The following RNF128 variants were observed in gnomAD, a reference collection of about 807,000 sequenced individuals.
RNF128 encodes ring finger protein 128.
In RNF128, 13 loss-of-function variants were observed where a neutral mutation model predicts 26.2. The ratio of observed to expected loss-of-function variants is 0.50; its 90% CI spans 0.32 to 0.79. The LOEUF (loss-of-function observed/expected upper bound fraction) is 0.79. Among genes scored for constraint, RNF128 ranks in the 30% least tolerant of loss-of-function variants. The pLI is 0.03. For missense variants in RNF128, 315 were observed against 349.7 expected (o/e 0.90, Z 0.79); for synonymous variants, 149 against 142.5 (o/e 1.05, Z -0.32).
At chrX:106,770,258 A>T (rs1187855605) in intron 1 of RNF128, among the ~76,000 whole-genome samples, 1 of 110,954 alleles carries the variant, frequency 9.0e-6, no homozygotes, top group Non-Finnish European at 1.9e-5. Flanking sequence ...TCTTTGTGGC[A>T]TTCTCTGTAC....
chrX:106,750,270 C>A (rs1158416092), intron 1 of RNF128, among the ~76,000 whole-genome samples: 1 of 112,022 alleles, frequency 8.9e-6, no homozygotes, highest in African/African-American at 3.2e-5. Context: ...TACTACTGCA[C>A]CCATGAATGT....
At chrX:106,788,453 TATATA>T (rs1376034860) in intron 4 of RNF128, among the ~76,000 whole-genome samples, 1 of 48,870 alleles carries the variant, frequency 2.0e-5, no homozygotes, top group African/African-American at 8.4e-5. Flanking sequence ...ATAATTATAA[TATATA>T]TAATATTATT....
At chrX:106,710,447 G>T (rs1929105822) in intron 1 of RNF128, among the ~76,000 whole-genome samples, 1 of 111,924 alleles carries the variant, frequency 8.9e-6, no homozygotes, top group Non-Finnish European at 1.9e-5. Context: ...AAAACCTTTT[G>T]GAGTTTCAGG....
intron 1 of RNF128, among the ~76,000 whole-genome samples, chrX:106,763,764 C>G (rs1602383379): frequency 8.9e-6 from 1 of 112,071 alleles, no homozygotes; most frequent in Non-Finnish European, 1.9e-5. Flanking sequence ...CCTCCTCGGC[C>G]TCCCAAAGTG....
intron 1 of RNF128, among the ~76,000 whole-genome samples, chrX:106,770,626 G>A (rs775473190): frequency 9.0e-6 from 1 of 111,170 alleles, no homozygotes; most frequent in Non-Finnish European, 1.9e-5. Context: ...TCTCTACACT[G>A]TTTATTCTAG....
chrX:106,741,978 G>A (rs1268157865), intron 1 of RNF128, among the ~76,000 whole-genome samples: 2 of 111,680 alleles, frequency 1.8e-5, no homozygotes, highest in Non-Finnish European at 3.8e-5. Context: ...GTGAAATGGA[G>A]CTCTTTAAGG....
chrX:106,776,584 A>G (rs953694499), intron 2 of RNF128, among the ~76,000 whole-genome samples: 9 of 112,077 alleles, frequency 8.0e-5, no homozygotes, highest in African/African-American at 2.9e-4. Flanking sequence ...ATACTCTAAC[A>G]CAACAGAATC....
rs754039283 is a variant in RNF128 at position 106,785,144 on chromosome X, C to G, written c.804+8C>G. The stretch of plus-strand genomic sequence containing the variant: ...CTGAAACAAGGAGACAAGGTACATT[C>G]ATGACTTTTAAATGCTATTTATTTT... On this transcript the variant is annotated splice_region_variant and intron_variant, in intron 3 of 6. Coordinates refer to ENST00000255499, the MANE Select transcript of RNF128 (RefSeq NM_194463.2). 1.6e-4 allele frequency: 188 copies of G among 1,148,200 alleles called. No homozygotes were observed. Among genetic ancestry groups the G allele is most frequent in the Non-Finnish European group, 1.8e-4 (154 of 860,063 alleles). The allele number at this position is 1,148,200 out of a possible 1,213,427, so 94.6% of individuals were successfully genotyped here.
chrX:106,726,527 A>T, upstream of RNF128: 1 of 421,443 alleles, frequency 2.4e-6, no homozygotes, highest in Non-Finnish European at 3.0e-6. Flanking sequence ...TTTTTTATAA[A>T]ACGACGCGAC....
chrX:106,764,349 A>G (rs1291395083), intron 1 of RNF128, among the ~76,000 whole-genome samples: 1 of 110,917 alleles, frequency 9.0e-6, no homozygotes, highest in Non-Finnish European at 1.9e-5. Flanking sequence ...CATATGTTCT[A>G]AAAGAACAAA....
At position 106,768,403 on chromosome X, in the gene RNF128, G is replaced by T. The variant is rs1486027078; in HGVS notation, c.485-4510G>T. On this transcript the variant is annotated intron_variant, in intron 1 of 6. Transcript: ENST00000255499. ...TGCCACAATTTCAGAGGCTGTTATTGGTCTATTCAGAGATTCAACTTCTTC... is the reference window on the plus strand; with the variant it reads ...TGCCACAATTTCAGAGGCTGTTATTTGTCTATTCAGAGATTCAACTTCTTC... Among the ~76,000 whole-genome samples, 6 of 111,304 alleles carry T rather than the reference G, an allele frequency of 5.4e-5. No individual in the cohort carries two copies. In the East Asian group the frequency reaches 1.7e-3, roughly 31 times the overall value.
intron 1 of RNF128, among the ~76,000 whole-genome samples, chrX:106,729,872 G>A (rs1486207266): frequency 8.9e-6 from 1 of 112,179 alleles, no homozygotes; most frequent in African/African-American, 3.2e-5. Flanking sequence ...AGTAAGCCTA[G>A]GGTTTCCTTT....
intron 1 of RNF128, among the ~76,000 whole-genome samples, chrX:106,709,180 C>T (rs1184396345): frequency 9.0e-6 from 1 of 111,552 alleles, no homozygotes; most frequent in Non-Finnish European, 1.9e-5. Flanking sequence ...TGAAAGTAGG[C>T]TTCTATTTCC....
chrX:106,766,042 T>C (rs2147690624), intron 1 of RNF128, among the ~76,000 whole-genome samples: 1 of 111,299 alleles, frequency 9.0e-6, no homozygotes, highest in East Asian at 2.8e-4. Context: ...TACAAAGACA[T>C]GAACTCATCT....
chrX:106,717,319 G>A (rs192061590), intron 1 of RNF128, among the ~76,000 whole-genome samples: 32 of 112,056 alleles, frequency 2.9e-4, no homozygotes, highest in African/African-American at 1.0e-3. Context: ...GGATGATTTG[G>A]AATAGGGAAG....
In RNF128 at chrX:106,795,739, C is replaced by T. The variant is rs1363504954; in HGVS notation, c.*26C>T. On this transcript the variant is annotated 3_prime_UTR_variant, in exon 7 of 7. Coordinates refer to ENST00000255499, the MANE Select transcript of RNF128 (RefSeq NM_194463.2). ...AATCTGTGTAAATAGAAAACTTGAA[C>T]CATTAGTAATAACAGAACTGCCAAT... The T allele has an allele frequency of 8.7e-7, 1 of 1,144,738 alleles. No individual in the cohort carries two copies. Among genetic ancestry groups the T allele is most frequent in the East Asian group, 3.1e-5 (1 of 32,696 alleles). The allele number at this position is 1,144,738 out of a possible 1,213,427, so 94.3% of individuals were successfully genotyped here. A position where few individuals can be genotyped will look rare whatever the true frequency, so the allele number is the denominator to read the frequency against.
At chrX:106,773,536 G>T (rs1354134741) in intron 2 of RNF128, among the ~76,000 whole-genome samples, 1 of 111,143 alleles carries the variant, frequency 9.0e-6, no homozygotes, top group Non-Finnish European at 1.9e-5. Flanking sequence ...CCTAAAACCT[G>T]ATATAGCAAT....
upstream of RNF128, chrX:106,726,629 T>C (rs1422887782): frequency 1.1e-6 from 1 of 942,283 alleles, no homozygotes; most frequent in Admixed American, 5.6e-5. Flanking sequence ...CTTTCCTCCC[T>C]CCCAGCCACC....
In RNF128 at chrX:106,777,197, A is replaced by G. The variant is rs190606767; in HGVS notation, c.732+4037A>G. ...ATATATTTGAGACATTGAACTAAAA[A>G]CTCCTCACAGTGTGATACCAAGGGA... On this transcript the variant is annotated intron_variant, in intron 2 of 6. Coordinates refer to ENST00000255499, the MANE Select transcript of RNF128 (RefSeq NM_194463.2). Among the ~76,000 whole-genome samples the G allele has an allele frequency of 6.3e-5, 7 of 111,497 alleles. No individual in the cohort carries two copies. In the East Asian group the frequency reaches 1.7e-3, roughly 27 times the overall value.
Sources: allele counts gnomAD v4.1 joint callset (sites outside exome capture counted in the v4.1 genomes callset), GRCh38; gene constraint gnomAD v4.1.1; transcripts MANE v1.5; gene names NCBI Gene and HGNC (gene_info 2026-07-23, HGNC 2026-07-21).